The following SLC14A2 variants were observed in gnomAD, a reference collection of about 807,000 sequenced individuals.
SLC14A2 encodes solute carrier family 14 member 2.
Under a neutral mutation model 104.6 loss-of-function variants are expected in SLC14A2, and 91 were observed. The ratio of observed to expected loss-of-function variants is 0.87; its 90% CI spans 0.73 to 1.04. SLC14A2 has a LOEUF of 1.04. Ranked by LOEUF, SLC14A2 falls within the 50% of genes least tolerant of loss-of-function variation. SLC14A2 has a pLI of 0.00. For synonymous variants in SLC14A2, 476 were observed against 466.4 expected, an observed-to-expected ratio of 1.02 and a Z score of -0.27; for missense variants, 1,189 against 1,156.0, an observed-to-expected ratio of 1.03 and a Z score of -0.41.
chr18:45,425,071 T>G (rs1240523428), intron 1 of SLC14A2, among the ~76,000 whole-genome samples: 1 of 152,192 alleles, frequency 6.6e-6, no homozygotes, highest in East Asian at 1.9e-4. Flanking sequence ...AAGCTAACTT[T>G]TATCTCAATG....
At chr18:45,475,971 C>A (rs1015071087) in intron 1 of SLC14A2, among the ~76,000 whole-genome samples, 5 of 151,964 alleles carry the variant, frequency 3.3e-5, no homozygotes, top group African/African-American at 1.2e-4. Context: ...GACATTTAGC[C>A]CATTTACATT....
At chr18:45,459,044 G>C (rs1001956727) in intron 1 of SLC14A2, among the ~76,000 whole-genome samples, 7 of 152,172 alleles carry the variant, frequency 4.6e-5, no homozygotes, top group Admixed American at 3.3e-4. Context: ...TCTGAATAAG[G>C]GTTGATTTTC....
chr18:45,209,948 A>C (rs1268988334), upstream of SLC14A2, among the ~76,000 whole-genome samples: 1 of 152,208 alleles, frequency 6.6e-6, no homozygotes, highest in African/African-American at 2.4e-5. Flanking sequence ...AACTTTATGC[A>C]TACCATGTGA....
At chr18:45,630,295 G>A (rs767333123) in intron 4 of SLC14A2, among the ~76,000 whole-genome samples, 3 of 152,044 alleles carry the variant, frequency 2.0e-5, no homozygotes, top group Admixed American at 6.6e-5. Flanking sequence ...AAGGAGCCAC[G>A]AGCTCACTGC....
chr18:45,675,699 A>ATC lies in SLC14A2; in HGVS notation c.2512+1883_2512+1884insCT, dbSNP rs2046214605. On this transcript the variant is annotated intron_variant, in intron 18 of 19. Transcript: ENST00000255226. ...CCAGCTAATTTCTATATATATATAT[A>ATC]TATATATATATTTTTTTTTTTTTTT... Among the ~76,000 whole-genome samples the ATC allele has an allele frequency of 1.0e-3, 65 of 62,372 alleles. 2 individuals are homozygous for ATC. The highest frequency in any genetic ancestry group is 3.8e-3 in the African/African-American group (63 of 16,534). The allele number at this position is 62,372 out of a possible 152,430, so 40.9% of individuals were successfully genotyped here. A position where few individuals can be genotyped will look rare whatever the true frequency, so the allele number is the denominator to read the frequency against.
At chr18:45,396,371 C>T (rs2086030876) in intron 1 of SLC14A2, among the ~76,000 whole-genome samples, 1 of 152,116 alleles carries the variant, frequency 6.6e-6, no homozygotes, top group Admixed American at 6.6e-5. Context: ...GACTTTTCTC[C>T]ATCTTTGTAA....
chr18:45,665,173 G>A (rs577778626), intron 11 of SLC14A2, among the ~76,000 whole-genome samples: 1 of 152,204 alleles, frequency 6.6e-6, no homozygotes, highest in South Asian at 2.1e-4. Context: ...CAGTGCCTTC[G>A]ATGCATCCCT....
chr18:45,313,422 C>T (rs948939607), intron 1 of SLC14A2, among the ~76,000 whole-genome samples: 5 of 152,176 alleles, frequency 3.3e-5, no homozygotes, highest in African/African-American at 1.2e-4. Context: ...CTTGACTAGG[C>T]CTCAAACTCA....
rs2043950161 is a variant in SLC14A2, at chr18:45,545,088, C to T, written c.-35+61766C>T. On this transcript the variant is annotated intron_variant, in intron 2 of 20. Coordinates refer to the SLC14A2 transcript ENST00000586448. ...GGATTATAGGCATGAGCCACCATGC[C>T]TGGCCAATAATGTCATTTTAATGGT... 2.0e-5 allele frequency among the ~76,000 whole-genome samples: 3 copies of T among 152,308 alleles called. No individual in the cohort carries two copies. In the South Asian group the frequency reaches 6.2e-4, roughly 32 times the overall value.
chr18:45,297,814 T>C (rs2084931464), intron 1 of SLC14A2, among the ~76,000 whole-genome samples: 1 of 152,162 alleles, frequency 6.6e-6, no homozygotes, highest in Admixed American at 6.5e-5. Flanking sequence ...GTCAGGTGTT[T>C]CTGCAAATAG....
At chr18:45,523,519 A>G (rs758476121) in intron 2 of SLC14A2, among the ~76,000 whole-genome samples, 6 of 142,380 alleles carry the variant, frequency 4.2e-5, no homozygotes, top group Non-Finnish European at 6.0e-5. Context: ...TTTTTTAAGT[A>G]AACACGGGGT....
chr18:45,453,687 G>A (rs149273072), intron 1 of SLC14A2, among the ~76,000 whole-genome samples: 2 of 152,108 alleles, frequency 1.3e-5, no homozygotes, highest in African/African-American at 4.8e-5. Context: ...TAAGGCTAGT[G>A]TCATTCTGCG....
chr18:45,501,777 G>T (rs2043202987), intron 2 of SLC14A2, among the ~76,000 whole-genome samples: 1 of 152,176 alleles, frequency 6.6e-6, no homozygotes, highest in Admixed American at 6.5e-5. Flanking sequence ...CCAGAGTCTT[G>T]GGCAGAGCTA....
chr18:45,349,691 C>T lies in SLC14A2; in HGVS notation c.-124-133542C>T, dbSNP rs185807577. Among the ~76,000 whole-genome samples the T allele has an allele frequency of 2.0e-5, 3 of 152,340 alleles. No individual in the cohort carries two copies. The East Asian group carries it at 5.8e-4, about 29-fold the overall frequency. ...ATCTTGGTTACAGCTCTCTCCTCTC[C>T]TGGGCATTTCCCCAAATGTTTCCCT... is the stretch of plus-strand genomic sequence containing the variant. On this transcript the variant is annotated intron_variant, in intron 1 of 20. Transcript: ENST00000586448.
At chr18:45,566,384 C>A (rs929548080) in intron 2 of SLC14A2, among the ~76,000 whole-genome samples, 2 of 152,188 alleles carry the variant, frequency 1.3e-5, no homozygotes, top group African/African-American at 4.8e-5. Flanking sequence ...AGGGAGAATT[C>A]TCCCATAAGC....
rs190195713 is a variant in SLC14A2, at chr18:45,444,174, C to T, written c.-124-39059C>T. Among the ~76,000 whole-genome samples, 619 of 152,310 alleles carry T rather than the reference C, an allele frequency of 4.1e-3. 1 individual carries two copies. The highest frequency in any genetic ancestry group is 6.7e-3 in the Admixed American group (102 of 15,312). On this transcript the variant is annotated intron_variant, in intron 1 of 20. Coordinates refer to the SLC14A2 transcript ENST00000586448. ...CGTGTACTGAAGAACCAACTGGAAG[C>T]CCTGTTCTAAGGTTTTCTGAGGTGT...
chr18:45,430,284 C>T (rs969069692), intron 1 of SLC14A2, among the ~76,000 whole-genome samples: 11 of 152,234 alleles, frequency 7.2e-5, no homozygotes, highest in African/African-American at 2.2e-4. Flanking sequence ...TTCCAAATCA[C>T]TAACCCAGTG....
chr18:45,264,084 C>A (rs1235472936), intron 1 of SLC14A2, among the ~76,000 whole-genome samples: 1 of 152,156 alleles, frequency 6.6e-6, no homozygotes, highest in Non-Finnish European at 1.5e-5. Flanking sequence ...CTATTAGAAT[C>A]AAAGGTGTCA....
the SLC14A2 span, among the ~76,000 whole-genome samples, chr18:45,200,148 T>C: frequency 1.3e-5 from 2 of 152,308 alleles, no homozygotes; most frequent in East Asian, 3.9e-4. Context: ...ATTACATTCT[T>C]TGTGTTTGGA....
Sources: gnomAD v4.1 joint callset for allele counts (sites outside exome capture counted in the v4.1 genomes callset) on GRCh38, gnomAD v4.1.1 for gene constraint, MANE v1.5 for transcripts, NCBI Gene and HGNC (gene_info 2026-07-23, HGNC 2026-07-21) for gene names.